The following SPPL2A variants were observed in gnomAD, a reference collection of about 807,000 sequenced individuals.
SPPL2A encodes signal peptide peptidase like 2A.
SPPL2A carries 51 observed loss-of-function variants against 63.8 expected under a neutral mutation model. The observed-to-expected ratio is 0.80, with a 90% CI of 0.64 to 1.01. The LOEUF (loss-of-function observed/expected upper bound fraction) is 1.01. Ranked by LOEUF, SPPL2A falls within the 50% of genes least tolerant of loss-of-function variation. SPPL2A has a pLI of 0.00. For synonymous variants in SPPL2A, 188 were observed against 205.8 expected (o/e 0.91, Z 0.74); for missense variants, 553 against 622.7 (o/e 0.89, Z 1.19).
Position 50,747,647 on chromosome 15 carries a change from G to A in SPPL2A, c.451-19C>T. On this transcript the variant is annotated intron_variant, in intron 4 of 14. Transcript: ENST00000261854. ...CTAGAGTCTGAAAGGCAAAATAACA[G>A]TTAAACACAGGAATAACTTTTCTTT... is the stretch of plus-strand genomic sequence containing the variant. 6.3e-7 allele frequency: 1 copy of A among 1,578,032 alleles called. No individual in the cohort carries two copies. Among genetic ancestry groups the A allele is most frequent in the Non-Finnish European group, 8.7e-7 (1 of 1,155,760 alleles).
intron 1 of SPPL2A, among the ~76,000 whole-genome samples, chr15:50,753,464 A>G (rs186286394): frequency 3.9e-5 from 6 of 152,358 alleles, no homozygotes; most frequent in Admixed American, 3.9e-4. Context: ...GGTTAAGAGC[A>G]TGAGTTTTTA....
intron 1 of SPPL2A, among the ~76,000 whole-genome samples, chr15:50,763,721 A>AC (rs2063032764): frequency 1.3e-5 from 2 of 151,968 alleles, no homozygotes; most frequent in South Asian, 2.1e-4. Flanking sequence ...ACATAGTGAA[A>AC]CCCCCATCTC....
chr15:50,721,624 G>C (rs1253420580), intron 13 of SPPL2A, among the ~76,000 whole-genome samples: 1 of 125,418 alleles, frequency 8.0e-6, no homozygotes, highest in Non-Finnish European at 1.7e-5. Context: ...TTTTTTTTTT[G>C]AGGCAGAGTC....
At chr15:50,758,800 T>C (rs2062983780) in intron 1 of SPPL2A, among the ~76,000 whole-genome samples, 1 of 152,208 alleles carries the variant, frequency 6.6e-6, no homozygotes, top group Non-Finnish European at 1.5e-5. Flanking sequence ...GGGAAGGGCC[T>C]ATACTTGGAG....
chr15:50,714,026 C>T (rs1302133409), intron 14 of SPPL2A, among the ~76,000 whole-genome samples: 3 of 152,138 alleles, frequency 2.0e-5, no homozygotes, highest in Non-Finnish European at 4.4e-5. Context: ...TAATAATTAA[C>T]AAAATTAGAA....
At chr15:50,736,767 A>T in intron 6 of SPPL2A, 27 bp from the exon 7 acceptor site, 1 of 1,117,934 alleles carries the variant, frequency 8.9e-7, no homozygotes, top group Non-Finnish European at 1.4e-6. Context: ...ACTAAATTAC[A>T]TGAGAACAGA....
chr15:50,744,510 TGA>T (rs991317291), intron 5 of SPPL2A, among the ~76,000 whole-genome samples: 2 of 152,220 alleles, frequency 1.3e-5, no homozygotes, highest in African/African-American at 4.8e-5. Flanking sequence ...TTTTTTTCAT[TGA>T]GAGTTATGAA....
intron 1 of SPPL2A, among the ~76,000 whole-genome samples, chr15:50,757,903 G>C (rs1306179463): frequency 6.6e-6 from 1 of 150,874 alleles, no homozygotes; most frequent in African/African-American, 2.4e-5. Flanking sequence ...AGAATCGCTT[G>C]AACCCAGGAG....
At chr15:50,730,878 C>T in intron 10 of SPPL2A, 87 bp downstream of exon 10, 1 of 652,576 alleles carries the variant, frequency 1.5e-6, no homozygotes, top group South Asian at 1.7e-5. Flanking sequence ...CAGTGGTAAA[C>T]ATCTGCAAAA....
At position 50,703,394 on chromosome 15, in the gene SPPL2A, G is replaced by C. The variant is rs1200237209; in HGVS notation, c.*4406C>G. 1 of 107,584 alleles carries C rather than the reference G, an allele frequency of 9.3e-6. No homozygotes were observed. The highest frequency in any genetic ancestry group is 1.4e-4 in the Admixed American group (1 of 7,282). 6.7% of individuals were successfully genotyped at this position (107,584 alleles called of 1,614,324 possible). On this transcript the variant is annotated 3_prime_UTR_variant, in exon 15 of 15. Coordinates refer to ENST00000261854, the MANE Select transcript of SPPL2A (RefSeq NM_032802.4). ...TTTTTTTTTTTTGAGATGGAGTCTC[G>C]CTCTGTCGCCCAGGCTGGAGTGCAG...
intron 11 of SPPL2A, 148 bp downstream of exon 11, chr15:50,726,173 T>A: frequency 6.7e-7 from 1 of 1,490,958 alleles, no homozygotes; most frequent in Non-Finnish European, 9.1e-7. Flanking sequence ...TTAGAATAAC[T>A]AAGAAAAGAG....
chr15:50,715,958 T>C (rs1280551861), intron 14 of SPPL2A, among the ~76,000 whole-genome samples: 6 of 152,088 alleles, frequency 3.9e-5, no homozygotes, highest in Admixed American at 6.6e-5. Flanking sequence ...GGAAATATTA[T>C]ATAGCCATTA....
At chr15:50,761,663 C>T (rs1250543840) in intron 1 of SPPL2A, among the ~76,000 whole-genome samples, 3 of 151,948 alleles carry the variant, frequency 2.0e-5, no homozygotes, top group Admixed American at 6.6e-5. Context: ...GGGCCAAGAG[C>T]GGTGGCTCAC....
chr15:50,750,248 C>G (rs753374854), intron 1 of SPPL2A, among the ~76,000 whole-genome samples: 1 of 152,088 alleles, frequency 6.6e-6, no homozygotes, highest in Non-Finnish European at 1.5e-5. Context: ...GTACTACAGG[C>G]GCGTGTTACC....
intron 1 of SPPL2A, among the ~76,000 whole-genome samples, chr15:50,753,489 G>A (rs2062927317): frequency 6.6e-6 from 1 of 152,138 alleles, no homozygotes; most frequent in African/African-American, 2.4e-5. Context: ...ATAGTACAAG[G>A]ATACAATGCT....
Position 50,746,531 on chromosome 15 carries a change from TAA to T in SPPL2A, c.584+962_584+963del, listed in dbSNP as rs201455874. 1.3e-4 allele frequency among the ~76,000 whole-genome samples: 19 copies of T among 151,678 alleles called. No homozygotes were observed. The East Asian group carries it at 2.5e-3, about 20-fold the overall frequency. On this transcript the variant is annotated intron_variant, in intron 5 of 14. Transcript: ENST00000261854. ...CGGCTAATTATGTTCTCTAAATGCA[TAA>T]GAGTTCTCTGATATTTTACTGTTCC...
chr15:50,715,001 T>G (rs2062590455), intron 14 of SPPL2A, among the ~76,000 whole-genome samples: 3 of 149,878 alleles, frequency 2.0e-5, no homozygotes, highest in Non-Finnish European at 3.0e-5. Context: ...TTTTTTGGTG[T>G]TTTTTTTTGT....
chr15:50,741,387 G>A (rs1197028380), intron 5 of SPPL2A, among the ~76,000 whole-genome samples: 1 of 151,186 alleles, frequency 6.6e-6, no homozygotes, highest in Non-Finnish European at 1.5e-5. Flanking sequence ...TAGATTGCCT[G>A]GGAAAAGAGG....
Position 50,748,775 on chromosome 15 carries a change from T to C in SPPL2A, c.273A>G (p.Pro91=), listed in dbSNP as rs1204721298. 3.7e-6 allele frequency: 6 copies of C among 1,612,362 alleles called. No individual in the cohort carries two copies. The highest frequency in any genetic ancestry group is 3.3e-5 in the South Asian group (3 of 90,896). Residue 91 remains proline (P), a synonymous_variant, in exon 3 of 15, where the codon CCA becomes CCG. Transcript: ENST00000261854. ...TTTCAAGAAAATGGCAGCTTCCCCA[T>C]GGAACCACAACTGCTTTGCTCTTTA... ...VGIKSKAVVV[P]WGSCHFLEKA... is the part of the protein sequence containing the mutation.
Sources: allele counts gnomAD v4.1 joint callset (sites outside exome capture counted in the v4.1 genomes callset), GRCh38; gene constraint gnomAD v4.1.1; transcripts MANE v1.5; gene names NCBI Gene and HGNC (gene_info 2026-07-23, HGNC 2026-07-21).